MLIP: variants seen among roughly 807,000 people sequenced by gnomAD.
MLIP encodes the protein muscular LMNA-interacting protein.
In MLIP, 79 loss-of-function variants were observed where a neutral mutation model predicts 84.8. The observed-to-expected ratio is 0.93, with a 90% CI of 0.78 to 1.12. The LOEUF is 1.12. MLIP is among the 50% of genes most tolerant of loss of function. MLIP has a pLI of 0.00. For synonymous variants in MLIP, 504 were observed against 463.0 expected (o/e 1.09, Z -1.14); for missense variants, 1,257 against 1,160.6 (o/e 1.08, Z -1.21).
At chr6:54,116,810 A>G (rs1047295055) in intron 1 of MLIP, among the ~76,000 whole-genome samples, 1 of 152,232 alleles carries the variant, frequency 6.6e-6, no homozygotes. Flanking sequence ...GCTACAGGCC[A>G]ATATTCGTGA....
At chr6:54,068,746 T>A (rs1237386342) in intron 1 of MLIP, among the ~76,000 whole-genome samples, 1 of 101,010 alleles carries the variant, frequency 9.9e-6, no homozygotes, top group East Asian at 2.6e-4. Context: ...ATTTATATAA[T>A]TTTCATTTGA....
intron 8 of MLIP, among the ~76,000 whole-genome samples, chr6:54,163,362 A>G (rs774327581): frequency 2.1e-4 from 32 of 151,816 alleles, no homozygotes; most frequent in Non-Finnish European, 4.3e-4. Context: ...ATTTATAATT[A>G]TTGCAATTCT....
In MLIP at chr6:54,220,633, G is replaced by A. The variant is rs377453892; in HGVS notation, c.2719-10081G>A. ...AGTTTTATTATGCAGTTGGATCAAAGTATAGATTTTAAAATATTCTCAGTT... is the reference window on the plus strand; with the variant it reads ...AGTTTTATTATGCAGTTGGATCAAAATATAGATTTTAAAATATTCTCAGTT... On this transcript the variant is annotated intron_variant, in intron 11 of 13. Transcript: ENST00000502396. Among the ~76,000 whole-genome samples the A allele has an allele frequency of 3.2e-4, 48 of 151,990 alleles. 2 individuals carry two copies. In the South Asian group the frequency reaches 9.9e-3, roughly 31 times the overall value.
Position 54,137,882 on chromosome 6 carries a change from T to C in MLIP, c.1813T>C (p.Ser605Pro). 7 of 1,536,144 alleles carry C rather than the reference T, an allele frequency of 4.6e-6. No homozygotes were observed. Among genetic ancestry groups the C allele is most frequent in the Non-Finnish European group, 5.2e-6 (6 of 1,146,910 alleles). ...TCCTATTAATCAAAGAGCTACGTTC[T>C]CTTCTTCAGAGAAATGTTTCCATCC... ...SPPINQRATF[S>P]SSEKCFHPSP... The change falls in exon 4 of 14, where the codon TCT becomes CCT. Residue 605 changes from serine (S) to proline (P), a missense_variant. By Grantham distance (74) the Ser-to-Pro change is moderately conservative. Coordinates refer to ENST00000502396, the MANE Select transcript of MLIP (RefSeq NM_001281747.2).
chr6:54,102,136 A>G (rs1339316340), intron 1 of MLIP, among the ~76,000 whole-genome samples: 1 of 152,194 alleles, frequency 6.6e-6, no homozygotes, highest in African/African-American at 2.4e-5. Flanking sequence ...GGTTCTAGCC[A>G]GGTGGACCTG....
intron 12 of MLIP, among the ~76,000 whole-genome samples, chr6:54,237,638 G>A (rs567678171): frequency 8.6e-4 from 129 of 149,184 alleles, no homozygotes; most frequent in Non-Finnish European, 1.5e-3. Context: ...TTAAGCCCAG[G>A]AGCCAGAGAC....
chr6:54,031,573 CG>C (rs34494457), intron 1 of MLIP: 133,487 of 152,192 alleles, frequency 0.88, 59,485 homozygotes, highest in Non-Finnish European at 0.95. Context: ...TTTGTTATGA[CG>C]GGGATCCCAA....
intron 1 of MLIP, among the ~76,000 whole-genome samples, chr6:54,052,461 C>T (rs1433075499): frequency 6.6e-6 from 1 of 152,160 alleles, no homozygotes; most frequent in East Asian, 1.9e-4. Flanking sequence ...TTTAATAACA[C>T]TGATTTTAGA....
chr6:54,180,439 C>G (rs1482289969), intron 9 of MLIP, among the ~76,000 whole-genome samples: 1 of 152,154 alleles, frequency 6.6e-6, no homozygotes, highest in Non-Finnish European at 1.5e-5. Context: ...GTTTCTTTCT[C>G]TACCTCATCT....
At chr6:54,065,197 A>T (rs1766176684) in intron 1 of MLIP, among the ~76,000 whole-genome samples, 1 of 100,670 alleles carries the variant, frequency 9.9e-6, no homozygotes, top group Non-Finnish European at 2.9e-5. Context: ...CTGTACCTTC[A>T]TCATAGGTAG....
intron 1 of MLIP, among the ~76,000 whole-genome samples, chr6:54,048,445 C>T (rs772265725): frequency 7.9e-5 from 12 of 152,074 alleles, no homozygotes; most frequent in East Asian, 7.7e-4. Context: ...TGGCAGAGAA[C>T]AGTGATTGCA....
chr6:54,137,236 C>T lies in MLIP; in HGVS notation c.1167C>T (p.Ser389=). Residue 389 remains serine, a synonymous_variant, in exon 4 of 14, where the codon TCC becomes TCT. Transcript: ENST00000502396. ...PFTSSFHGSS[S]TICSQMSSSG... is the part of the protein sequence containing the mutation. The stretch of plus-strand genomic sequence containing the variant: ...CCTCCTCTTTCCACGGCTCTTCTTC[C>T]ACCATCTGCAGCCAAATGTCATCTA... 1 of 1,536,086 alleles carries T rather than the reference C, an allele frequency of 6.5e-7. No individual in the cohort carries two copies.
intron 11 of MLIP, among the ~76,000 whole-genome samples, chr6:54,230,383 C>T (rs1780901617): frequency 6.6e-6 from 1 of 152,132 alleles, no homozygotes; most frequent in Admixed American, 6.5e-5. Flanking sequence ...TTCCTAACCC[C>T]AGCCCACTTC....
At chr6:54,188,791 A>G (rs1216649386) in intron 9 of MLIP, among the ~76,000 whole-genome samples, 2 of 152,024 alleles carry the variant, frequency 1.3e-5, no homozygotes, top group East Asian at 3.9e-4. Context: ...GACCCCCAAA[A>G]CACAAGAAAA....
intron 3 of MLIP, among the ~76,000 whole-genome samples, chr6:54,133,242 G>T (rs1368418758): frequency 3.9e-5 from 6 of 152,110 alleles, no homozygotes; most frequent in African/African-American, 1.4e-4. Flanking sequence ...TCAATCTGGT[G>T]ATAGGTTAAA....
chr6:54,237,154 A>G lies in MLIP; in HGVS notation c.2922+6237A>G, dbSNP rs61096106. Among the ~76,000 whole-genome samples the G allele has an allele frequency of 2.1e-3, 315 of 151,870 alleles. 2 individuals carry two copies. Among genetic ancestry groups the G allele is most frequent in the African/African-American group, 7.3e-3 (301 of 41,424 alleles). On this transcript the variant is annotated intron_variant, in intron 12 of 13. Coordinates refer to ENST00000502396, the MANE Select transcript of MLIP (RefSeq NM_001281747.2). The stretch of plus-strand genomic sequence containing the variant: ...CTGTTAGGGGAGTGGGGACTGAGAC[A>G]AGGAGGAGAGGCATCTGGTAAAGGG...
intron 12 of MLIP, among the ~76,000 whole-genome samples, chr6:54,239,623 C>CAA (rs1231219276): frequency 1.6e-5 from 2 of 122,540 alleles, no homozygotes; most frequent in African/African-American, 6.0e-5. Flanking sequence ...ACTAAAAATA[C>CAA]AAAAAAAAAA....
intron 1 of MLIP, among the ~76,000 whole-genome samples, chr6:54,059,656 G>A (rs1156792792): frequency 2.6e-5 from 4 of 152,104 alleles, no homozygotes; most frequent in Non-Finnish European, 4.4e-5. Context: ...CTGGATTCAC[G>A]AATGTATGTT....
In MLIP at chr6:54,137,171, A is replaced by C. The variant is rs1771878074; in HGVS notation, c.1102A>C (p.Ile368Leu). The change falls in exon 4 of 14, where the codon ATT (isoleucine) becomes CTT (leucine). Residue 368 changes from isoleucine to leucine, a missense_variant. Ile to Leu is a conservative substitution (Grantham distance 5). Transcript: ENST00000502396. ...SNSASYIPVR[I>L]VTHSLSPSPK... ...TTCGGCCTCGTACATACCAGTCCGC[A>C]TTGTCACGCATTCACTCTCTCCGAG... 2.0e-6 allele frequency: 3 copies of C among 1,535,910 alleles called. No individual in the cohort carries two copies. The highest frequency in any genetic ancestry group is 2.6e-6 in the Non-Finnish European group (3 of 1,146,852).
Sources: allele counts gnomAD v4.1 joint callset (sites outside exome capture counted in the v4.1 genomes callset), GRCh38; gene constraint gnomAD v4.1.1; transcripts MANE v1.5; gene names NCBI Gene and HGNC (gene_info 2026-07-23, HGNC 2026-07-21).